Variants in CADM2 observed in about 807,000 individuals in gnomAD.
The protein encoded by CADM2 is immunoglobulin superfamily member 4D.
A neutral mutation model predicts 49.8 loss-of-function variants in CADM2; 12 were observed. The ratio of observed to expected loss-of-function variants is 0.24; its 90% CI spans 0.15 to 0.39. CADM2 has a LOEUF of 0.39. Ranked by LOEUF, CADM2 falls within the 10% of genes least tolerant of loss-of-function variation. The pLI is 1.00. For synonymous variants in CADM2, 214 were observed against 175.4 expected, an observed-to-expected ratio of 1.22 and a Z score of -1.74; for missense variants, 378 against 492.3, an observed-to-expected ratio of 0.77 and a Z score of 2.20.
chr3:85,371,650 G>GAT lies in CADM2; in HGVS notation c.62-354861_62-354860dup, dbSNP rs1200409176. Reference sequence around the variant, plus strand: ...GTGTGTGTGTGTGTGTGTGCATGGGGATATATATATATGTGTGTGTGTGTG... The same window carrying GAT: ...GTGTGTGTGTGTGTGTGTGCATGGGGATATATATATATATGTGTGTGTGTGTG... On this transcript the variant is annotated intron_variant, in intron 1 of 9. Transcript: ENST00000383699. Among the ~76,000 whole-genome samples, 27 of 64,876 alleles carry GAT rather than the reference G, an allele frequency of 4.2e-4. 1 individual carries two copies. Among genetic ancestry groups the GAT allele is most frequent in the Non-Finnish European group, 8.2e-4 (23 of 28,006 alleles). 42.6% of individuals were successfully genotyped at this position (64,876 alleles called of 152,430 possible).
At chr3:85,381,487 GTA>G (rs1256689160) in intron 1 of CADM2, among the ~76,000 whole-genome samples, 2 of 147,060 alleles carry the variant, frequency 1.4e-5, no homozygotes. Flanking sequence ...TATATAAAGT[GTA>G]TATATAAAGA....
intron 1 of CADM2, among the ~76,000 whole-genome samples, chr3:85,269,576 A>G (rs938472211): frequency 1.6e-4 from 24 of 151,394 alleles, no homozygotes; most frequent in African/African-American, 5.6e-4. Context: ...TTAATTTTAT[A>G]AACAGATATT....
intron 1 of CADM2, among the ~76,000 whole-genome samples, chr3:85,083,274 A>C (rs1214222559): frequency 1.3e-5 from 2 of 152,120 alleles, no homozygotes; most frequent in East Asian, 3.9e-4. Flanking sequence ...AATTGTGAAA[A>C]CGGTGTTGCC....
intron 8 of CADM2, among the ~76,000 whole-genome samples, chr3:85,981,531 C>G (rs957626840): frequency 6.6e-6 from 1 of 151,480 alleles, no homozygotes. Context: ...CAACTAGGTC[C>G]CAGTATCTAT....
chr3:84,987,966 G>T (rs543320303), intron 1 of CADM2, among the ~76,000 whole-genome samples: 1 of 152,238 alleles, frequency 6.6e-6, no homozygotes, highest in African/African-American at 2.4e-5. Flanking sequence ...CCTCGTATAG[G>T]GGGTGGAAGG....
At chr3:85,441,815 A>C (rs771753119) in intron 1 of CADM2, among the ~76,000 whole-genome samples, 2 of 152,134 alleles carry the variant, frequency 1.3e-5, no homozygotes, top group Admixed American at 6.6e-5. Flanking sequence ...TACATGAAGA[A>C]TCACATGGAA....
At chr3:85,203,668 C>A (rs1025440188) in intron 1 of CADM2, among the ~76,000 whole-genome samples, 3 of 152,152 alleles carry the variant, frequency 2.0e-5, no homozygotes, top group Non-Finnish European at 4.4e-5. Context: ...TTGCCACAAA[C>A]CTTCAGTTTG....
chr3:85,048,238 A>T (rs377104104), intron 1 of CADM2, among the ~76,000 whole-genome samples: 8 of 152,218 alleles, frequency 5.3e-5, no homozygotes, highest in African/African-American at 1.7e-4. Flanking sequence ...TAATAGGCAC[A>T]TTTTGACATT....
chr3:85,511,926 T>C (rs1458098079), intron 1 of CADM2: 1 of 918,210 alleles, frequency 1.1e-6, no homozygotes, highest in African/African-American at 1.8e-5. Context: ...GGTGAAATTA[T>C]ATCTTATAGC....
intron 8 of CADM2, among the ~76,000 whole-genome samples, chr3:85,971,345 T>A (rs1379376779): frequency 6.6e-6 from 1 of 151,624 alleles, no homozygotes; most frequent in Non-Finnish European, 1.5e-5. Context: ...TCTAAAAGGA[T>A]TTATATAAAT....
intron 3 of CADM2, among the ~76,000 whole-genome samples, chr3:85,812,525 A>G (rs2072944137): frequency 6.6e-6 from 1 of 151,988 alleles, no homozygotes; most frequent in African/African-American, 2.4e-5. Flanking sequence ...AGATATTCTA[A>G]CATTCTCTTT....
chr3:85,924,139 A>C (rs573912801), intron 6 of CADM2, among the ~76,000 whole-genome samples: 1 of 152,320 alleles, frequency 6.6e-6, no homozygotes, highest in African/African-American at 2.4e-5. Flanking sequence ...ATTGCAAGGT[A>C]AGCCAATTTT....
At chr3:85,156,009 C>T (rs982105346) in intron 1 of CADM2, among the ~76,000 whole-genome samples, 1 of 152,174 alleles carries the variant, frequency 6.6e-6, no homozygotes, top group Admixed American at 6.5e-5. Flanking sequence ...AAATTTCCTT[C>T]TCCTGCCTAA....
intron 1 of CADM2, among the ~76,000 whole-genome samples, chr3:85,040,968 C>T (rs780240445): frequency 6.6e-6 from 1 of 152,084 alleles, no homozygotes; most frequent in Non-Finnish European, 1.5e-5. Context: ...ATATTTTAAT[C>T]TATTTTTGCC....
intron 3 of CADM2, among the ~76,000 whole-genome samples, chr3:85,862,992 T>TG (rs2075593488): frequency 6.6e-6 from 1 of 152,200 alleles, no homozygotes; most frequent in African/African-American, 2.4e-5. Context: ...TCAAGAACTC[T>TG]GCTTCAGACA....
Position 86,066,777 on chromosome 3 carries a change from C to A in CADM2, c.1209C>A (p.Phe403Leu). Reference protein sequence around the residue: ...QVNAEEKKEYFI With the variant: ...QVNAEEKKEYLI ...ATGCTGAAGAGAAAAAAGAGTATTTCATTTAAGATGCAGGCCAAGATTCTG... is the reference window on the plus strand; with the variant it reads ...ATGCTGAAGAGAAAAAAGAGTATTTAATTTAAGATGCAGGCCAAGATTCTG... Residue 403 changes from phenylalanine (F) to leucine (L), a missense_variant, in exon 10 of 10, where the codon TTC becomes TTA. Coordinates refer to ENST00000383699, the MANE Select transcript of CADM2 (RefSeq NM_001167675.2). The A allele has an allele frequency of 6.2e-7, 1 of 1,601,612 alleles. No homozygotes were observed. Among genetic ancestry groups the A allele is most frequent in the Non-Finnish European group, 8.6e-7 (1 of 1,168,686 alleles).
chr3:85,018,829 A>G (rs891105955), intron 1 of CADM2, among the ~76,000 whole-genome samples: 1 of 152,188 alleles, frequency 6.6e-6, no homozygotes, highest in East Asian at 1.9e-4. Flanking sequence ...ATAACAAACA[A>G]CTCCAAAATA....
chr3:85,476,139 G>A (rs2038964699), intron 1 of CADM2, among the ~76,000 whole-genome samples: 3 of 151,802 alleles, frequency 2.0e-5, no homozygotes, highest in South Asian at 4.1e-4. Flanking sequence ...AAAGGGATTT[G>A]CCTCAAGAGA....
rs142195846 is a variant in CADM2 at position 85,648,786 on chromosome 3, G to A, written c.62-77736G>A. On this transcript the variant is annotated intron_variant, in intron 1 of 9. Coordinates refer to ENST00000383699, the MANE Select transcript of CADM2 (RefSeq NM_001167675.2). ...GAGCGTTAACATCTTTTCTTTGGAT[G>A]CATTTTTGAATTTAGCTTTTTTGAA... Among the ~76,000 whole-genome samples, 665 of 152,064 alleles carry A rather than the reference G, an allele frequency of 4.4e-3. 6 individuals are homozygous for A. Among genetic ancestry groups the A allele is most frequent in the African/African-American group, 0.015 (626 of 41,536 alleles).
Sources: gnomAD v4.1 joint callset for allele counts (sites outside exome capture counted in the v4.1 genomes callset) on GRCh38, gnomAD v4.1.1 for gene constraint, MANE v1.5 for transcripts, NCBI Gene and HGNC (gene_info 2026-07-23, HGNC 2026-07-21) for gene names.